CTNNA2: variants seen among roughly 807,000 people sequenced by gnomAD.
CTNNA2 encodes catenin alpha 2.
Under a neutral mutation model 101.0 loss-of-function variants are expected in CTNNA2, and 42 were observed. The observed-to-expected ratio is 0.42, with a 90% CI of 0.32 to 0.54. The LOEUF (loss-of-function observed/expected upper bound fraction) is 0.54, where lower values mean the gene tolerates loss of function less well. CTNNA2 is among the 20% of genes least tolerant of loss of function. The pLI is 0.14. For synonymous variants in CTNNA2, 450 were observed against 456.4 expected (o/e 0.99, Z 0.18); for missense variants, 871 against 1,223.1 (o/e 0.71, Z 4.29).
chr2:79,250,504 C>T (rs914035264), intron 2 of CTNNA2, among the ~76,000 whole-genome samples: 4 of 152,138 alleles, frequency 2.6e-5, no homozygotes, highest in Admixed American at 6.5e-5. Context: ...TGCAGAGAGT[C>T]CTAGACTCAG....
Position 80,133,777 on chromosome 2 carries a change from A to G in CTNNA2, c.1056+223980A>G, listed in dbSNP as rs184297994. ...TACTGAACTACATAATTTTCTCTAT[A>G]TGACTAAGCAAAACAATTTTAAAGC... On this transcript the variant is annotated intron_variant, in intron 7 of 18. Coordinates refer to ENST00000402739, the MANE Select transcript of CTNNA2 (RefSeq NM_001282597.3). Among the ~76,000 whole-genome samples, 481 of 152,316 alleles carry G rather than the reference A, an allele frequency of 3.2e-3. 7 individuals are homozygous for G. The highest frequency in any genetic ancestry group is 0.011 in the African/African-American group (459 of 41,576).
intron 9 of CTNNA2, among the ~76,000 whole-genome samples, chr2:80,438,038 A>C (rs1168996858): frequency 1.3e-5 from 2 of 152,102 alleles, no homozygotes; most frequent in Non-Finnish European, 2.9e-5. Flanking sequence ...ACAAAACAAC[A>C]CACACTGAGT....
intron 9 of CTNNA2, among the ~76,000 whole-genome samples, chr2:80,454,891 G>C (rs900861786): frequency 1.3e-5 from 2 of 152,252 alleles, no homozygotes; most frequent in African/African-American, 2.4e-5. Flanking sequence ...CTAGCCCGGG[G>C]AAGGCCCAGA....
chr2:79,414,594 G>A (rs544218780), intron 4 of CTNNA2, among the ~76,000 whole-genome samples: 1 of 152,110 alleles, frequency 6.6e-6, no homozygotes, highest in African/African-American at 2.4e-5. Flanking sequence ...CGTTGAGTAG[G>A]ACCTTGAGTT....
intron 12 of CTNNA2, among the ~76,000 whole-genome samples, chr2:80,562,047 TG>T (rs1446322340): frequency 2.6e-5 from 4 of 151,756 alleles, no homozygotes; most frequent in African/African-American, 4.9e-5. Flanking sequence ...TATAAATGCA[TG>T]GTTCCTAGTT....
chr2:80,061,037 C>T (rs780949191), intron 7 of CTNNA2, among the ~76,000 whole-genome samples: 3 of 152,160 alleles, frequency 2.0e-5, no homozygotes, highest in Non-Finnish European at 4.4e-5. Context: ...TAAGCTCTCC[C>T]TCTGCCCAAC....
At chr2:80,095,403 G>T (rs1353183649) in intron 7 of CTNNA2, among the ~76,000 whole-genome samples, 1 of 151,556 alleles carries the variant, frequency 6.6e-6, no homozygotes, top group Non-Finnish European at 1.5e-5. Flanking sequence ...GATTCAGTTT[G>T]CCAGTATTTT....
chr2:79,842,067 A>T (rs923463986), intron 3 of CTNNA2, among the ~76,000 whole-genome samples: 1 of 152,216 alleles, frequency 6.6e-6, no homozygotes, highest in African/African-American at 2.4e-5. Flanking sequence ...ATTATGGTTC[A>T]TGAAAACATC....
At chr2:79,964,041 G>GA in intron 7 of CTNNA2, among the ~76,000 whole-genome samples, 1 of 151,566 alleles carries the variant, frequency 6.6e-6, no homozygotes, top group Non-Finnish European at 1.5e-5. Flanking sequence ...CATACCTTGG[G>GA]GTGTTCCAGT....
chr2:79,484,572 G>T (rs1257371606), intron 4 of CTNNA2, among the ~76,000 whole-genome samples: 1 of 152,124 alleles, frequency 6.6e-6, no homozygotes, highest in African/African-American at 2.4e-5. Context: ...AAGGGTATTA[G>T]CTAGAAGTAG....
At chr2:80,014,592 C>T (rs1404394040) in intron 7 of CTNNA2, among the ~76,000 whole-genome samples, 1 of 152,164 alleles carries the variant, frequency 6.6e-6, no homozygotes, top group Non-Finnish European at 1.5e-5. Flanking sequence ...AACAACCAAC[C>T]TGCTTTCTTC....
chr2:80,012,468 A>G (rs1693858331), intron 7 of CTNNA2, among the ~76,000 whole-genome samples: 1 of 152,116 alleles, frequency 6.6e-6, no homozygotes, highest in African/African-American at 2.4e-5. Flanking sequence ...GTATCTGCCC[A>G]CCAAAGTACC....
At chr2:79,217,949 T>C (rs2104214725) in intron 2 of CTNNA2, among the ~76,000 whole-genome samples, 1 of 152,308 alleles carries the variant, frequency 6.6e-6, no homozygotes, top group South Asian at 2.1e-4. Flanking sequence ...GCTTAAAATA[T>C]TTGATGAAAG....
chr2:79,386,330 G>A (rs1319323715), intron 4 of CTNNA2, among the ~76,000 whole-genome samples: 1 of 152,156 alleles, frequency 6.6e-6, no homozygotes, highest in Non-Finnish European at 1.5e-5. Context: ...GAATCTTTTA[G>A]TAAGCTACCT....
intron 4 of CTNNA2, among the ~76,000 whole-genome samples, chr2:79,446,219 A>C (rs1678831182): frequency 6.6e-6 from 1 of 151,930 alleles, no homozygotes; most frequent in South Asian, 2.1e-4. Flanking sequence ...GCTTTGCCCC[A>C]CAATATTCTA....
chr2:79,443,528 G>T (rs1678798539), intron 4 of CTNNA2, among the ~76,000 whole-genome samples: 1 of 151,984 alleles, frequency 6.6e-6, no homozygotes, highest in Non-Finnish European at 1.5e-5. Flanking sequence ...GACACACCCA[G>T]AAATAATGTC....
chr2:79,479,930 A>G (rs1274838500), intron 4 of CTNNA2, among the ~76,000 whole-genome samples: 1 of 152,144 alleles, frequency 6.6e-6, no homozygotes, highest in African/African-American at 2.4e-5. Flanking sequence ...CTCAAAAAAA[A>G]AAGAAGGAAT....
chr2:80,060,346 G>T (rs1697495837), intron 7 of CTNNA2, among the ~76,000 whole-genome samples: 1 of 152,186 alleles, frequency 6.6e-6, no homozygotes, highest in Non-Finnish European at 1.5e-5. Context: ...AATTGTGGCT[G>T]AGGTGGCAGC....
At chr2:79,327,027 G>T (rs1676762838) in intron 3 of CTNNA2, among the ~76,000 whole-genome samples, 1 of 152,084 alleles carries the variant, frequency 6.6e-6, no homozygotes, top group South Asian at 2.1e-4. Context: ...CTTGGATCTT[G>T]GTTTTCTAGA....
Sources: gnomAD v4.1 joint callset for allele counts (sites outside exome capture counted in the v4.1 genomes callset) on GRCh38, gnomAD v4.1.1 for gene constraint, MANE v1.5 for transcripts, NCBI Gene and HGNC (gene_info 2026-07-23, HGNC 2026-07-21) for gene names.